Variants in SYNPR observed in about 807,000 individuals in gnomAD.
SYNPR encodes the protein synaptoporin.
SYNPR carries 23 observed loss-of-function variants against 32.9 expected under a neutral mutation model. The observed-to-expected ratio is 0.70, with a 90% CI of 0.50 to 0.99. The LOEUF (loss-of-function observed/expected upper bound fraction) is 0.99. Ranked by LOEUF, SYNPR falls within the 50% of genes least tolerant of loss-of-function variation. The pLI is 0.00. For missense variants in SYNPR, 318 were observed against 349.3 expected (o/e 0.91, Z 0.71); for synonymous variants, 146 against 135.9 (o/e 1.07, Z -0.52).
chr3:63,281,786 A>T (rs1358514937), intron 2 of SYNPR, among the ~76,000 whole-genome samples: 1 of 152,242 alleles, frequency 6.6e-6, no homozygotes, highest in Non-Finnish European at 1.5e-5. Flanking sequence ...ATTTATTGCA[A>T]CATCATCTGT....
rs10527039 is a variant in SYNPR at position 63,551,869 on chromosome 3, CTATTTATTTATTTATTTATT to C, written c.210-4648_210-4629del. ...TCCCCACTCTAGCCCCAGCATCTAGCTATTTATTTATTTATTTATTTATTTATTTATTTATTTATTTATTT... is the reference window on the plus strand; with the variant it reads ...TCCCCACTCTAGCCCCAGCATCTAGCTATTTATTTATTTATTTATTTATTT... On this transcript the variant is annotated intron_variant, in intron 3 of 5. Coordinates refer to ENST00000478300, the MANE Select transcript of SYNPR (RefSeq NM_001130003.2). Among the ~76,000 whole-genome samples, 23 of 144,854 alleles carry C rather than the reference CTATTTATTTATTTATTTATT, an allele frequency of 1.6e-4. No individual in the cohort carries two copies. The East Asian group carries it at 3.1e-3, about 19-fold the overall frequency.
chr3:63,264,771 C>T lies in SYNPR; in HGVS notation n.155-2546C>T, dbSNP rs537178640. On this transcript the variant is annotated intron_variant and non_coding_transcript_variant, in intron 2 of 4. Coordinates refer to the SYNPR transcript ENST00000478456. Reference sequence around the variant, plus strand: ...GGCCTCAGGAAACTTACAATCGTAGCGGAAGGCAAAGGAGAGGCAGGCACT... The same window carrying T: ...GGCCTCAGGAAACTTACAATCGTAGTGGAAGGCAAAGGAGAGGCAGGCACT... 1.3e-3 allele frequency among the ~76,000 whole-genome samples: 199 copies of T among 152,180 alleles called. 2 individuals are homozygous for T. The highest frequency in any genetic ancestry group is 1.8e-3 in the Non-Finnish European group (122 of 68,024).
chr3:63,295,237 T>C (rs1292654015), intron 2 of SYNPR, among the ~76,000 whole-genome samples: 1 of 152,200 alleles, frequency 6.6e-6, no homozygotes, highest in Admixed American at 6.5e-5. Context: ...ATTCATTGTA[T>C]ATTTAATGAG....
At chr3:63,295,967 C>G in intron 2 of SYNPR, among the ~76,000 whole-genome samples, 1 of 152,106 alleles carries the variant, frequency 6.6e-6, no homozygotes, top group Non-Finnish European at 1.5e-5. Flanking sequence ...GTTAGCCTGC[C>G]TTTGAAGAAC....
At chr3:63,255,842 G>T (rs780609841) in intron 2 of SYNPR, among the ~76,000 whole-genome samples, 1 of 152,188 alleles carries the variant, frequency 6.6e-6, no homozygotes, top group Non-Finnish European at 1.5e-5. Flanking sequence ...GTGACAGATG[G>T]CACCTGGAAA....
chr3:63,231,285 T>C (rs187744585), intron 1 of SYNPR, among the ~76,000 whole-genome samples: 1 of 151,882 alleles, frequency 6.6e-6, no homozygotes, highest in Non-Finnish European at 1.5e-5. Flanking sequence ...GCTATGAGAA[T>C]GGAAAGGCAT....
the SYNPR span, among the ~76,000 whole-genome samples, chr3:63,210,361 C>A: frequency 6.6e-6 from 1 of 152,164 alleles, no homozygotes; most frequent in South Asian, 2.1e-4. Context: ...GGAGTTAGAA[C>A]CAATCAGAGC....
chr3:63,313,798 C>T (rs866604043), intron 2 of SYNPR, among the ~76,000 whole-genome samples: 3 of 6,394 alleles, frequency 4.7e-4, no homozygotes, highest in Non-Finnish European at 9.0e-4. Flanking sequence ...TATATATATC[C>T]ATATATATAT....
chr3:63,314,770 T>G (rs545357231), intron 2 of SYNPR, among the ~76,000 whole-genome samples: 1 of 152,226 alleles, frequency 6.6e-6, no homozygotes, highest in East Asian at 1.9e-4. Flanking sequence ...TGCATTTGTT[T>G]TTGGGTTCTT....
chr3:63,301,022 T>C (rs535137101), intron 2 of SYNPR, among the ~76,000 whole-genome samples: 1 of 152,230 alleles, frequency 6.6e-6, no homozygotes, highest in African/African-American at 2.4e-5. Flanking sequence ...TTAAATGCAA[T>C]GAAATATGAT....
chr3:63,508,683 G>C (rs1026317531), intron 3 of SYNPR, among the ~76,000 whole-genome samples: 7 of 152,082 alleles, frequency 4.6e-5, no homozygotes, highest in African/African-American at 1.7e-4. Context: ...ACCTCTTTGT[G>C]ACCAATCACA....
chr3:63,229,493 A>G (rs1283688066), intron 1 of SYNPR, among the ~76,000 whole-genome samples: 2 of 152,140 alleles, frequency 1.3e-5, no homozygotes, highest in Non-Finnish European at 1.5e-5. Flanking sequence ...ATTATCTTCT[A>G]TTCATGATCC....
Position 63,501,873 on chromosome 3 carries a change from ACTT to A in SYNPR, c.209+20921_209+20923del, listed in dbSNP as rs970672219. Among the ~76,000 whole-genome samples, 120 of 152,284 alleles carry A rather than the reference ACTT, an allele frequency of 7.9e-4. 1 individual carries two copies. The highest frequency in any genetic ancestry group is 2.8e-3 in the African/African-American group (116 of 41,566). ...CTATGGTTTGATTTGAACAAGTAAA[ACTT>A]CTTATTGATAAAGAGCTAGACCTGT... On this transcript the variant is annotated intron_variant, in intron 3 of 5. Transcript: ENST00000478300.
At chr3:63,304,350 GTGTT>G (rs1293421063) in intron 2 of SYNPR, among the ~76,000 whole-genome samples, 2 of 135,568 alleles carry the variant, frequency 1.5e-5, no homozygotes, top group Non-Finnish European at 3.1e-5. Flanking sequence ...AAGTGTGTGT[GTGTT>G]TGTGTGTGTG....
At chr3:63,566,802 A>C (rs896807411) in intron 4 of SYNPR, among the ~76,000 whole-genome samples, 1 of 152,206 alleles carries the variant, frequency 6.6e-6, no homozygotes, top group African/African-American at 2.4e-5. Flanking sequence ...TAAATGGGTT[A>C]TTACCCATAA....
At chr3:63,306,752 G>C (rs2086914259) in intron 2 of SYNPR, among the ~76,000 whole-genome samples, 1 of 151,956 alleles carries the variant, frequency 6.6e-6, no homozygotes, top group African/African-American at 2.4e-5. Context: ...CAAATGAAAG[G>C]TTTTGCACTT....
At chr3:63,403,911 C>T (rs2088325566) in intron 2 of SYNPR, among the ~76,000 whole-genome samples, 1 of 152,160 alleles carries the variant, frequency 6.6e-6, no homozygotes, top group African/African-American at 2.4e-5. Flanking sequence ...CAACACCTAC[C>T]TTGGATGTAA....
At chr3:63,432,152 T>TA (rs2107146754) in intron 2 of SYNPR, among the ~76,000 whole-genome samples, 1 of 152,324 alleles carries the variant, frequency 6.6e-6, no homozygotes, top group African/African-American at 2.4e-5. Flanking sequence ...CCCAGTGAGG[T>TA]AGCCCCAGTT....
intron 3 of SYNPR, among the ~76,000 whole-genome samples, chr3:63,490,586 C>T (rs1212503567): frequency 1.3e-5 from 2 of 152,030 alleles, no homozygotes; most frequent in East Asian, 1.9e-4. Context: ...GTCTTCCATG[C>T]CCCACTTCCA....
Sources: allele counts gnomAD v4.1 joint callset (sites outside exome capture counted in the v4.1 genomes callset), GRCh38; gene constraint gnomAD v4.1.1; transcripts MANE v1.5; gene names NCBI Gene and HGNC (gene_info 2026-07-23, HGNC 2026-07-21).